TUSC3: variants seen among roughly 807,000 people sequenced by gnomAD.
TUSC3 encodes the protein dolichyl-diphosphooligosaccharide--protein glycosyltransferase subunit TUSC3.
Under a neutral mutation model 44.8 loss-of-function variants are expected in TUSC3, and 45 were observed. The observed-to-expected ratio is 1.00, with a 90% CI of 0.79 to 1.29. TUSC3 has a LOEUF of 1.29. TUSC3 is among the 50% of genes most tolerant of loss of function. The pLI is 0.00. For missense variants in TUSC3, 519 were observed against 437.9 expected (o/e 1.19, Z -1.65); for synonymous variants, 212 against 152.9 (o/e 1.39, Z -2.85).
At chr8:15,767,434 GAA>G (rs201749533), downstream of TUSC3, among the ~76,000 whole-genome samples, 134 of 132,112 alleles carry the variant, frequency 1.0e-3, no homozygotes, top group African/African-American at 3.3e-3. Context: ...AGAAAAACAG[GAA>G]AAAAAAAAAA....
intron 2 of TUSC3, among the ~76,000 whole-genome samples, chr8:15,507,054 A>G (rs1382187050): frequency 6.6e-6 from 1 of 152,218 alleles, no homozygotes. Flanking sequence ...GAAGGCTCCC[A>G]TGTATACATA....
chr8:15,542,279 G>A (rs1235859412), intron 1 of TUSC3, among the ~76,000 whole-genome samples: 2 of 152,076 alleles, frequency 1.3e-5, no homozygotes, highest in Non-Finnish European at 2.9e-5. Flanking sequence ...TGGAGACCAT[G>A]GTTTTATTAG....
intron 4 of TUSC3, 123 bp from the exon 5 acceptor site, chr8:15,662,033 G>T: frequency 2.9e-6 from 3 of 1,024,228 alleles, no homozygotes; most frequent in Non-Finnish European, 4.4e-6. Flanking sequence ...CTAGTGTCAC[G>T]TATGAAAAGT....
At chr8:15,438,670 T>C (rs934004517) in intron 1 of TUSC3, among the ~76,000 whole-genome samples, 2 of 152,244 alleles carry the variant, frequency 1.3e-5, no homozygotes, top group African/African-American at 2.4e-5. Flanking sequence ...AACTGAATGC[T>C]GACCTTGTGC....
intron 1 of TUSC3, among the ~76,000 whole-genome samples, chr8:15,568,520 G>A (rs767928286): frequency 6.6e-5 from 10 of 151,916 alleles, no homozygotes; most frequent in Non-Finnish European, 1.2e-4. Context: ...TGTGATTTAA[G>A]ATGTTTTGAT....
chr8:15,775,311 G>GA, the TUSC3 span, among the ~76,000 whole-genome samples: 3 of 152,094 alleles, frequency 2.0e-5, no homozygotes, highest in African/African-American at 7.2e-5. Flanking sequence ...TGAGGGGTAG[G>GA]ATGGGGAGTG....
At chr8:15,705,416 T>A (rs1202475503) in intron 6 of TUSC3, among the ~76,000 whole-genome samples, 1 of 152,124 alleles carries the variant, frequency 6.6e-6, no homozygotes, top group African/African-American at 2.4e-5. Context: ...TCAGAATGAA[T>A]ATAGTATTCT....
At chr8:15,641,424 A>G (rs1213878766) in intron 2 of TUSC3, among the ~76,000 whole-genome samples, 5 of 152,008 alleles carry the variant, frequency 3.3e-5, no homozygotes, top group African/African-American at 4.8e-5. Flanking sequence ...CAGAAATCCT[A>G]TATCAAGAGT....
At chr8:15,523,652 A>ATC (rs1801328320) in intron 2 of TUSC3, among the ~76,000 whole-genome samples, 1 of 28,358 alleles carries the variant, frequency 3.5e-5, no homozygotes, top group African/African-American at 1.1e-4. Context: ...ATATATATAT[A>ATC]TATATATATA....
At chr8:15,643,829 C>G (rs376641663) in intron 2 of TUSC3, among the ~76,000 whole-genome samples, 3 of 152,100 alleles carry the variant, frequency 2.0e-5, no homozygotes, top group African/African-American at 7.2e-5. Context: ...TTGTTTTTTT[C>G]TTCTCGAGGA....
intron 1 of TUSC3, among the ~76,000 whole-genome samples, chr8:15,613,017 G>A (rs1038773922): frequency 6.7e-6 from 1 of 150,212 alleles, no homozygotes; most frequent in African/African-American, 2.4e-5. Context: ...TTACTTAAGA[G>A]CAGAGCTACA....
the TUSC3 span, among the ~76,000 whole-genome samples, chr8:15,825,239 A>T: frequency 6.6e-6 from 1 of 152,254 alleles, no homozygotes; most frequent in African/African-American, 2.4e-5. Context: ...CTGCTGATAA[A>T]GACATACCTG....
chr8:15,438,252 G>A (rs1365139561), intron 1 of TUSC3, among the ~76,000 whole-genome samples: 4 of 152,060 alleles, frequency 2.6e-5, no homozygotes, highest in Non-Finnish European at 4.4e-5. Context: ...GCGCCACCAC[G>A]CCCAGCTAAT....
At chr8:15,689,395 G>C (rs1185144893) in intron 6 of TUSC3, 1 of 206,300 alleles carries the variant, frequency 4.8e-6, no homozygotes, top group Admixed American at 5.9e-5. Flanking sequence ...ACACCATCCA[G>C]GATGTCGAAG....
intron 1 of TUSC3, among the ~76,000 whole-genome samples, chr8:15,590,923 C>T (rs1563307362): frequency 6.6e-6 from 1 of 152,136 alleles, no homozygotes; most frequent in Admixed American, 6.5e-5. Context: ...GTCTGTGTGC[C>T]TTGGCCTCCC....
the TUSC3 span, among the ~76,000 whole-genome samples, chr8:15,840,612 T>G: frequency 6.6e-6 from 1 of 152,156 alleles, no homozygotes; most frequent in African/African-American, 2.4e-5. Flanking sequence ...TGAAGTTTCT[T>G]AATTCCTAGT....
chr8:15,837,875 T>C, the TUSC3 span, among the ~76,000 whole-genome samples: 1 of 152,248 alleles, frequency 6.6e-6, no homozygotes, highest in Non-Finnish European at 1.5e-5. Context: ...TTTTGACTTC[T>C]TTTAAAATTA....
chr8:15,772,386 A>C, the TUSC3 span, among the ~76,000 whole-genome samples: 1 of 152,336 alleles, frequency 6.6e-6, no homozygotes, highest in Non-Finnish European at 1.5e-5. Flanking sequence ...AAAGGATTAT[A>C]AGAGAATAAC....
chr8:15,654,282 T>C (rs7015693), intron 3 of TUSC3, among the ~76,000 whole-genome samples: 16,086 of 152,066 alleles, frequency 0.11, 2,103 homozygotes, highest in African/African-American at 0.31. Context: ...GAAACAAACA[T>C]GAACAAAGTA....
Sources: allele counts gnomAD v4.1 joint callset (sites outside exome capture counted in the v4.1 genomes callset), GRCh38; gene constraint gnomAD v4.1.1; transcripts MANE v1.5; gene names NCBI Gene and HGNC (gene_info 2026-07-23, HGNC 2026-07-21).